Variants in GOLGB1 observed in about 807,000 individuals in gnomAD.
The protein encoded by GOLGB1 is golgin B1.
In GOLGB1, 174 loss-of-function variants were observed where a neutral mutation model predicts 336.9. The observed-to-expected ratio is 0.52, with a 90% CI of 0.46 to 0.59. GOLGB1 has a LOEUF of 0.59. Among genes scored for constraint, GOLGB1 ranks in the 20% least tolerant of loss-of-function variants. The probability of loss-of-function intolerance (pLI) is 0.00; values close to 1 mark genes in which losing one functional copy is unlikely to be tolerated. For missense variants in GOLGB1, 3,331 were observed against 3,645.3 expected (o/e 0.91, Z 2.22); for synonymous variants, 1,208 against 1,289.2 (o/e 0.94, Z 1.35).
intron 14 of GOLGB1, among the ~76,000 whole-genome samples, chr3:121,689,349 A>AC (rs1942186671): frequency 6.6e-6 from 1 of 152,002 alleles, no homozygotes; most frequent in Admixed American, 6.6e-5. Context: ...CTGTGACCTT[A>AC]CCCCCAACCC....
intron 15 of GOLGB1, among the ~76,000 whole-genome samples, chr3:121,679,190 T>G (rs754498287): frequency 4.5e-4 from 68 of 152,258 alleles, no homozygotes; most frequent in Non-Finnish European, 9.0e-4. Context: ...AATCCAAAAC[T>G]TTTTGAGCAC....
Position 121,691,383 on chromosome 3 carries a change from C to T in GOLGB1, c.7981G>A (p.Ala2661Thr), listed in dbSNP as rs569556744. ...CAAACCAATTCTTCTTCCAGTTCTG[C>T]AATTCTCTTTTGAGAGGAGGAAAAC... ...ALFSSSQKRI[A>T]ELEEELVCVQ... Residue 2661 changes from alanine to threonine, a missense_variant, in exon 14 of 22, where the codon GCA becomes ACA. Transcript: ENST00000614479. The T allele has an allele frequency of 3.7e-5, 60 of 1,613,260 alleles. No homozygotes were observed. The South Asian group carries it at 6.3e-4, about 17-fold the overall frequency.
intron 14 of GOLGB1, among the ~76,000 whole-genome samples, chr3:121,682,355 G>C (rs927998955): frequency 6.6e-6 from 1 of 152,144 alleles, no homozygotes; most frequent in African/African-American, 2.4e-5. Flanking sequence ...TCTGGAGTTA[G>C]ATATCCTACT....
rs2107832855 is a variant in GOLGB1 at position 121,695,606 on chromosome 3, A to G, written c.4917T>C (p.His1639=). 6.2e-7 allele frequency: 1 copy of G among 1,613,906 alleles called. No individual in the cohort carries two copies. Among genetic ancestry groups the G allele is most frequent in the Non-Finnish European group, 8.5e-7 (1 of 1,179,974 alleles). ...TCTCTTGCCTCACAGCTTCCACCAC[A>G]TGCTGAATCCTTTCTGCTTCATTAC... The part of the protein sequence containing the change: ...NVSNEAERIQ[H]VVEAVRQEKQ... The change falls in exon 13 of 22, where the codon CAT becomes CAC. Residue 1639 remains histidine (H), a synonymous_variant. Coordinates refer to ENST00000614479, the MANE Select transcript of GOLGB1 (RefSeq NM_001366282.2).
intron 9 of GOLGB1, among the ~76,000 whole-genome samples, chr3:121,715,591 A>G (rs997436669): frequency 6.6e-6 from 1 of 151,510 alleles, no homozygotes; most frequent in Non-Finnish European, 1.5e-5. Flanking sequence ...TTCACTCTCG[A>G]CTTAGGTATT....
chr3:121,726,943 A>C lies in GOLGB1; in HGVS notation c.501T>G (p.Leu167=). 6.2e-7 allele frequency: 1 copy of C among 1,603,840 alleles called. No homozygotes were observed. The highest frequency in any genetic ancestry group is 1.7e-5 in the Admixed American group (1 of 59,236). ...CAGGTTGTTCTGCCTGTGCCTGAGT[A>C]AGCTGGGCTTGCAAAGTGCTGATTA... ...EELISTLQAQ[L]TQAQAEQPAQ... Residue 167 remains leucine, a synonymous_variant, in exon 5 of 22, where the codon CTT becomes CTG. Transcript: ENST00000614479.
In GOLGB1 at chr3:121,692,521, C is replaced by A. The variant is rs763766720; in HGVS notation, c.6843G>T (p.Gln2281His). Residue 2281 changes from glutamine to histidine, a missense_variant, in exon 14 of 22, where the codon CAG becomes CAT. Coordinates refer to ENST00000614479, the MANE Select transcript of GOLGB1 (RefSeq NM_001366282.2). ...SKAQTEVQLQ[Q>H]KVCDTLQGEN... is the part of the protein sequence containing the mutation. ...CCCCCTGTAGAGTATCACAGACCTT[C>A]TGCTGAAGCTGGACCTCTGTCTGGG... 4 of 1,610,738 alleles carry A rather than the reference C, an allele frequency of 2.5e-6. No individual in the cohort carries two copies. Among genetic ancestry groups the A allele is most frequent in the East Asian group, 4.5e-5 (2 of 44,866 alleles).
chr3:121,688,422 G>C (rs549167392), intron 14 of GOLGB1, among the ~76,000 whole-genome samples: 1 of 152,276 alleles, frequency 6.6e-6, no homozygotes, highest in African/African-American at 2.4e-5. Flanking sequence ...TCCTAACCGC[G>C]AGTGATCCGC....
rs774954806 is a variant in GOLGB1, at chr3:121,691,862, T to C, written c.7502A>G (p.Gln2501Arg). 3 of 1,612,924 alleles carry C rather than the reference T, an allele frequency of 1.9e-6. No individual in the cohort carries two copies. The highest frequency in any genetic ancestry group is 1.7e-6 in the Non-Finnish European group (2 of 1,179,132). ...CTCTGCAGCAGCCTCTTGGATGAGT[T>C]GGTCTTTTTCCAAGATTATAGAGAG... ...RHLSIILEKDQLIQEAAAENN... is the reference protein window; with the variant it reads ...RHLSIILEKDRLIQEAAAENN... Residue 2501 changes from glutamine to arginine, a missense_variant, in exon 14 of 22, where the codon CAA becomes CGA. Gln to Arg is a conservative substitution (Grantham distance 43). Coordinates refer to ENST00000614479, the MANE Select transcript of GOLGB1 (RefSeq NM_001366282.2).
At chr3:121,737,006 C>T (rs981044935) in intron 1 of GOLGB1, among the ~76,000 whole-genome samples, 1 of 152,124 alleles carries the variant, frequency 6.6e-6, no homozygotes, top group Non-Finnish European at 1.5e-5. Context: ...TGAAGTCTAC[C>T]TATAGTTTAG....
At position 121,694,675 on chromosome 3, in the gene GOLGB1, T is replaced by C; in HGVS notation, c.5848A>G (p.Thr1950Ala). 6.2e-7 allele frequency: 1 copy of C among 1,611,446 alleles called. No homozygotes were observed. Among genetic ancestry groups the C allele is most frequent in the Non-Finnish European group, 8.5e-7 (1 of 1,179,686 alleles). Residue 1950 changes from threonine to alanine, a missense_variant, in exon 13 of 22, where the codon ACA (threonine) becomes GCA (alanine). Thr to Ala is a moderately conservative substitution (Grantham distance 58). Coordinates refer to ENST00000614479, the MANE Select transcript of GOLGB1 (RefSeq NM_001366282.2). ...GSIGNYCQDV[T>A]DAQIKNELLE... ...AGCTCATTTTTTATTTGGGCATCTG[T>C]AACATCCTGACAGTAATTCCCAATG...
chr3:121,722,232 C>T, intron 6 of GOLGB1, 30 bp downstream of exon 6: 1 of 1,240,634 alleles, frequency 8.1e-7, no homozygotes, highest in Non-Finnish European at 1.2e-6. Flanking sequence ...GACTTCATAG[C>T]TCTTTATCCT....
intron 7 of GOLGB1, 125 bp downstream of exon 7, chr3:121,719,521 A>G: frequency 1.8e-6 from 1 of 567,134 alleles, no homozygotes; most frequent in Non-Finnish European, 2.8e-6. Context: ...ACAAGGACAC[A>G]AAAGAGGCCA....
At chr3:121,711,722 T>C (rs543557959) in intron 10 of GOLGB1, among the ~76,000 whole-genome samples, 1 of 152,320 alleles carries the variant, frequency 6.6e-6, no homozygotes, top group African/African-American at 2.4e-5. Context: ...AATAATTCCA[T>C]CTATAATAGT....
At position 121,694,962 on chromosome 3, in the gene GOLGB1, A is replaced by C. The variant is rs1263515532; in HGVS notation, c.5561T>G (p.Ile1854Ser). 2 of 1,614,078 alleles carry C rather than the reference A, an allele frequency of 1.2e-6. No homozygotes were observed. The highest frequency in any genetic ancestry group is 1.7e-6 in the Non-Finnish European group (2 of 1,180,006). The change falls in exon 13 of 22, where the codon ATT becomes AGT. Residue 1854 changes from isoleucine to serine, a missense_variant. Coordinates refer to ENST00000614479, the MANE Select transcript of GOLGB1 (RefSeq NM_001366282.2). Reference sequence around the variant, plus strand: ...CTGCTTCTCCTCCTCTAATCCAGCAATTCTTTCTTTGAGCTGATCAATCTG... The same window carrying C: ...CTGCTTCTCCTCCTCTAATCCAGCACTTCTTTCTTTGAGCTGATCAATCTG... ...LQQIDQLKER[I>S]AGLEEEKQKN...
At chr3:121,701,463 G>C (rs1943396987) in intron 11 of GOLGB1, among the ~76,000 whole-genome samples, 1 of 152,064 alleles carries the variant, frequency 6.6e-6, no homozygotes, top group Non-Finnish European at 1.5e-5. Flanking sequence ...GGTTAAGTTA[G>C]AAATACTGGC....
rs569229217 is a variant in GOLGB1 at position 121,748,456 on chromosome 3, A to G, written c.-3+1176T>C. Reference sequence around the variant, plus strand: ...AAATATTGATGCAGTGAAAAGAAAAACATTAAATGGTCATTCTGTGGTCAA... The same window carrying G: ...AAATATTGATGCAGTGAAAAGAAAAGCATTAAATGGTCATTCTGTGGTCAA... On this transcript the variant is annotated intron_variant, in intron 1 of 21. Transcript: ENST00000614479. 2.2e-4 allele frequency among the ~76,000 whole-genome samples: 34 copies of G among 152,228 alleles called. No homozygotes were observed. In the East Asian group the frequency reaches 6.6e-3, roughly 29 times the overall value.
chr3:121,709,307 C>T (rs1001830267), intron 10 of GOLGB1, among the ~76,000 whole-genome samples: 1 of 152,060 alleles, frequency 6.6e-6, no homozygotes, highest in African/African-American at 2.4e-5. Flanking sequence ...ACAAAGATAA[C>T]GTGAACAATA....
At chr3:121,728,221 T>G (rs1945819927) in intron 4 of GOLGB1, among the ~76,000 whole-genome samples, 1 of 152,048 alleles carries the variant, frequency 6.6e-6, no homozygotes, top group Non-Finnish European at 1.5e-5. Flanking sequence ...TAAATAAGAT[T>G]ATCAATTCAG....
Sources: allele counts gnomAD v4.1 joint callset (sites outside exome capture counted in the v4.1 genomes callset), GRCh38; gene constraint gnomAD v4.1.1; transcripts MANE v1.5; gene names NCBI Gene and HGNC (gene_info 2026-07-23, HGNC 2026-07-21).